Variants in ARB2A observed in about 807,000 individuals in gnomAD.
The protein encoded by ARB2A is cotranscriptional regulator ARB2A.
At chr5:93,658,267 T>C in the ARB2A span, among the ~76,000 whole-genome samples, 2 of 152,102 alleles carry the variant, frequency 1.3e-5, no homozygotes, top group Non-Finnish European at 2.9e-5. Flanking sequence ...AAGTGATAAG[T>C]TTAAGGTACA....
chr5:94,099,938 A>G, the ARB2A span, among the ~76,000 whole-genome samples: 1 of 152,168 alleles, frequency 6.6e-6, no homozygotes, highest in Non-Finnish European at 1.5e-5. Flanking sequence ...AGTCCTAGCC[A>G]GAGCAATTAG....
the ARB2A span, among the ~76,000 whole-genome samples, chr5:93,791,303 G>A: frequency 6.6e-6 from 1 of 152,152 alleles, no homozygotes; most frequent in Non-Finnish European, 1.5e-5. Context: ...ACAGTGCTCT[G>A]GCTTGAATGG....
the ARB2A span, among the ~76,000 whole-genome samples, chr5:93,621,437 T>C: frequency 6.6e-5 from 10 of 152,014 alleles, no homozygotes. Flanking sequence ...TCCCCATCCC[T>C]CTCCCAACGC....
At chr5:93,784,576 A>G in the ARB2A span, 32 of 1,009,514 alleles carry the variant, frequency 3.2e-5, no homozygotes, top group East Asian at 6.9e-4. Context: ...GTCAGAGATA[A>G]CAATAATATT....
the ARB2A span, among the ~76,000 whole-genome samples, chr5:93,864,030 T>C: frequency 3.3e-5 from 5 of 152,170 alleles, no homozygotes; most frequent in African/African-American, 1.2e-4. Context: ...ACCCACTATG[T>C]GCCAGACACT....
the ARB2A span, among the ~76,000 whole-genome samples, chr5:93,972,506 G>C: frequency 6.6e-6 from 1 of 151,294 alleles, no homozygotes; most frequent in Non-Finnish European, 1.5e-5. Flanking sequence ...AGCTCTCTTA[G>C]ATGAGAATGA....
chr5:93,903,006 G>T, the ARB2A span, among the ~76,000 whole-genome samples: 1 of 152,090 alleles, frequency 6.6e-6, no homozygotes, highest in Non-Finnish European at 1.5e-5. Flanking sequence ...AGGCCATTTA[G>T]TAGGGGTGAA....
chr5:93,692,574 C>T, the ARB2A span, among the ~76,000 whole-genome samples: 1 of 152,178 alleles, frequency 6.6e-6, no homozygotes, highest in East Asian at 1.9e-4. Context: ...TACAAAGAGA[C>T]TTAGAATCCC....
chr5:93,660,340 A>G, the ARB2A span, among the ~76,000 whole-genome samples: 1 of 152,136 alleles, frequency 6.6e-6, no homozygotes, highest in African/African-American at 2.4e-5. Flanking sequence ...CTTCATCATC[A>G]TACTGCACAT....
At chr5:94,108,684 T>A in the ARB2A span, among the ~76,000 whole-genome samples, 2 of 151,894 alleles carry the variant, frequency 1.3e-5, no homozygotes, top group African/African-American at 4.8e-5. Context: ...TTTACACCCA[T>A]CAGGATCGCT....
At chr5:94,068,014 C>T in the ARB2A span, among the ~76,000 whole-genome samples, 2 of 152,106 alleles carry the variant, frequency 1.3e-5, no homozygotes, top group Non-Finnish European at 2.9e-5. Context: ...TGCCTGTAAT[C>T]CCAGCACTTT....
the ARB2A span, among the ~76,000 whole-genome samples, chr5:93,640,555 GGT>G: frequency 2.9e-4 from 42 of 147,322 alleles, no homozygotes; most frequent in Middle Eastern, 3.5e-3. Flanking sequence ...TTCCTATAGG[GGT>G]GTGTGTGTGT....
the ARB2A span, among the ~76,000 whole-genome samples, chr5:93,946,334 G>C: frequency 1.3e-5 from 2 of 151,978 alleles, no homozygotes; most frequent in Admixed American, 1.3e-4. Context: ...CCAAAAGAGA[G>C]TACTCCAGAG....
the ARB2A span, among the ~76,000 whole-genome samples, chr5:93,829,939 G>A: frequency 6.6e-6 from 1 of 152,164 alleles, no homozygotes; most frequent in African/African-American, 2.4e-5. Context: ...AGTTACACAA[G>A]TGTGTTCTTT....
At chr5:94,006,403 C>G in the ARB2A span, among the ~76,000 whole-genome samples, 1 of 152,110 alleles carries the variant, frequency 6.6e-6, no homozygotes. Context: ...AGTGCTGTGG[C>G]TATAAAAGGA....
the ARB2A span, among the ~76,000 whole-genome samples, chr5:93,633,562 G>C: frequency 6.6e-6 from 1 of 152,094 alleles, no homozygotes; most frequent in Admixed American, 6.5e-5. Context: ...CATTCCTTAA[G>C]CCTTTTCAAA....
At chr5:94,072,090 T>C in the ARB2A span, among the ~76,000 whole-genome samples, 1 of 152,116 alleles carries the variant, frequency 6.6e-6, no homozygotes, top group Non-Finnish European at 1.5e-5. Flanking sequence ...TCAAAGGCAT[T>C]ATACTTATTG....
At chr5:94,092,749 T>C in the ARB2A span, among the ~76,000 whole-genome samples, 1 of 152,206 alleles carries the variant, frequency 6.6e-6, no homozygotes, top group East Asian at 1.9e-4. Context: ...AGTAGGAACA[T>C]ATATACACAC....
the ARB2A span, among the ~76,000 whole-genome samples, chr5:93,795,349 C>T: frequency 6.6e-6 from 1 of 152,172 alleles, no homozygotes; most frequent in Non-Finnish European, 1.5e-5. Context: ...CAGCCGGTGA[C>T]CAGGGCTGAG....
Sources: gnomAD v4.1 joint callset for allele counts (sites outside exome capture counted in the v4.1 genomes callset) on GRCh38, gnomAD v4.1.1 for gene constraint, MANE v1.5 for transcripts, NCBI Gene and HGNC (gene_info 2026-07-23, HGNC 2026-07-21) for gene names.